Variants in NACC2 observed in about 807,000 individuals in gnomAD.
NACC2 encodes nucleus accumbens-associated protein 2.
NACC2 carries 8 observed loss-of-function variants against 25.1 expected under a neutral mutation model. The ratio of observed to expected loss-of-function variants is 0.32; its 90% CI spans 0.19 to 0.57. The LOEUF is 0.57. Among genes scored for constraint, NACC2 ranks in the 20% least tolerant of loss-of-function variants. The probability of loss-of-function intolerance (pLI) is 0.89; values close to 1 mark genes in which losing one functional copy is unlikely to be tolerated. For missense variants in NACC2, 644 were observed against 650.2 expected (o/e 0.99, Z 0.10); for synonymous variants, 435 against 294.7 (o/e 1.48, Z -4.88).
chr9:136,021,386 G>A (rs1052329159), intron 2 of NACC2, among the ~76,000 whole-genome samples: 1 of 152,178 alleles, frequency 6.6e-6, no homozygotes. Context: ...GCGAGGATGC[G>A]GGGCAGCTGG....
chr9:136,087,079 G>C (rs1830386947), intron 1 of NACC2, among the ~76,000 whole-genome samples: 3 of 152,372 alleles, frequency 2.0e-5, no homozygotes, highest in Admixed American at 6.5e-5. Flanking sequence ...TGCACAGAAG[G>C]AAGGTGGCCG....
intron 1 of NACC2, among the ~76,000 whole-genome samples, chr9:136,074,168 T>C (rs1343006918): frequency 3.3e-5 from 5 of 151,692 alleles, no homozygotes; most frequent in African/African-American, 7.2e-5. Context: ...TAGCCAGGCA[T>C]GGCCAGGCGC....
rs1830383804 is a variant in NACC2 at position 136,086,881 on chromosome 9, A to C, written c.-60+8308T>G. ...CAGAGCCAGCCCCCCAGTGCCCTCTACGCACTAAAGGCTTTCTGCCCCTCC... is the reference window on the plus strand; with the variant it reads ...CAGAGCCAGCCCCCCAGTGCCCTCTCCGCACTAAAGGCTTTCTGCCCCTCC... On this transcript the variant is annotated intron_variant, in intron 1 of 5. Coordinates refer to ENST00000277554, the MANE Select transcript of NACC2 (RefSeq NM_144653.5). This position sits in a 1 kb window ranked among gnomAD's most constrained non-coding sequence, Gnocchi z 5.6. Among the ~76,000 whole-genome samples the C allele has an allele frequency of 6.6e-6, 1 of 152,180 alleles. No individual in the cohort carries two copies. Among genetic ancestry groups the C allele is most frequent in the East Asian group, 1.9e-4 (1 of 5,198 alleles).
intron 3 of NACC2, among the ~76,000 whole-genome samples, chr9:136,015,410 A>G (rs1471751901): frequency 6.6e-6 from 1 of 152,208 alleles, no homozygotes; most frequent in Non-Finnish European, 1.5e-5. Flanking sequence ...AGGGCAGCCC[A>G]ACACTGCCAG....
At chr9:136,060,414 C>T (rs1840992155) in intron 1 of NACC2, among the ~76,000 whole-genome samples, 1 of 152,026 alleles carries the variant, frequency 6.6e-6, no homozygotes, top group Non-Finnish European at 1.5e-5. Context: ...TAAATACAAA[C>T]ACCCAACTTC....
intron 2 of NACC2, among the ~76,000 whole-genome samples, chr9:136,033,648 CAAAAAA>C (rs558163152): frequency 1.4e-5 from 1 of 71,202 alleles, no homozygotes; most frequent in Non-Finnish European, 2.6e-5. Flanking sequence ...GACTCTGTCT[CAAAAAA>C]AAAAAAAAAA....
chr9:136,029,715 T>A (rs1840445214), intron 2 of NACC2, among the ~76,000 whole-genome samples: 1 of 81,490 alleles, frequency 1.2e-5, no homozygotes, highest in South Asian at 3.3e-4. Flanking sequence ...GTATGCCTGG[T>A]ACAGCTGCAG....
intron 2 of NACC2, among the ~76,000 whole-genome samples, 153 bp downstream of exon 2, chr9:136,049,483 G>A (rs2131161722): frequency 6.6e-6 from 1 of 152,300 alleles, no homozygotes; most frequent in Non-Finnish European, 1.5e-5. Flanking sequence ...TGAACCCCAT[G>A]GTGAACAGAG....
Position 136,075,637 on chromosome 9 carries a change from G to C in NACC2, c.-60+19552C>G, listed in dbSNP as rs371007926. ...AGGTCCTGCGGGAGCAGAGCCTGCA[G>C]GGCCCCCTCAGGAAACCTGTGCTGA... On this transcript the variant is annotated intron_variant, in intron 1 of 5. Transcript: ENST00000277554. Among the ~76,000 whole-genome samples, 24 of 152,350 alleles carry C rather than the reference G, an allele frequency of 1.6e-4. No individual in the cohort carries two copies. The East Asian group carries it at 2.7e-3, about 17-fold the overall frequency.
chr9:136,051,876 A>AAGGAGGAGGAGG (rs1162435573), intron 1 of NACC2, among the ~76,000 whole-genome samples: 2,172 of 132,090 alleles, frequency 0.016, 84 homozygotes, highest in Admixed American at 0.05. Context: ...GGGAGCCGGC[A>AAGGAGGAGGAGG]AGGAGGAGGA....
chr9:136,084,748 G>A lies in NACC2; in HGVS notation c.-60+10441C>T, dbSNP rs914491587. Among the ~76,000 whole-genome samples, 14 of 152,188 alleles carry A rather than the reference G, an allele frequency of 9.2e-5. No homozygotes were observed. The highest frequency in any genetic ancestry group is 1.3e-4 in the Non-Finnish European group (9 of 68,028). On this transcript the variant is annotated intron_variant, in intron 1 of 5. Coordinates refer to ENST00000277554, the MANE Select transcript of NACC2 (RefSeq NM_144653.5). This position sits in a 1 kb window ranked among gnomAD's most constrained non-coding sequence, Gnocchi z 5.1. ...GGGCGCACACACACACATACATCAC[G>A]CAGCCTGGAGAAGGGACGGGCTCCG...
chr9:136,023,228 A>G (rs1840325376), intron 2 of NACC2, among the ~76,000 whole-genome samples: 1 of 150,910 alleles, frequency 6.6e-6, no homozygotes, highest in African/African-American at 2.4e-5. Context: ...GCCCACACTC[A>G]TGGGTGCAGC....
At chr9:136,012,091 A>G in intron 5 of NACC2, 67 bp from the exon 6 acceptor site, 1 of 1,454,500 alleles carries the variant, frequency 6.9e-7, no homozygotes, top group Non-Finnish European at 9.1e-7. Context: ...CCCCAAGGCC[A>G]CAGAACCATG....
chr9:136,032,672 G>A (rs1048224310), intron 2 of NACC2, among the ~76,000 whole-genome samples: 8 of 152,134 alleles, frequency 5.3e-5, no homozygotes, highest in Admixed American at 2.0e-4. Flanking sequence ...CAAGGCAGGC[G>A]GATCACTTGA....
intron 2 of NACC2, 138 bp downstream of exon 2, chr9:136,049,498 G>A (rs2131161736): frequency 1.2e-5 from 7 of 601,522 alleles, no homozygotes; most frequent in African/African-American, 5.6e-5. Context: ...ACAGAGCTCT[G>A]CCACCTCCTC....
rs765359680 is a variant in NACC2, at chr9:136,086,276, G to A, written c.-60+8913C>T. 1.2e-4 allele frequency among the ~76,000 whole-genome samples: 18 copies of A among 152,352 alleles called. No individual in the cohort carries two copies. The highest frequency in any genetic ancestry group is 5.2e-4 in the Admixed American group (8 of 15,310). ...CACACCGTGCAGCTGGGGACAGGAC[G>A]AAGGGCACATGCCCCCCGAGGCCTC... On this transcript the variant is annotated intron_variant, in intron 1 of 5. Transcript: ENST00000277554. This position sits in a 1 kb window ranked among gnomAD's most constrained non-coding sequence, Gnocchi z 5.6.
At chr9:136,056,052 A>G (rs558041873) in intron 1 of NACC2, among the ~76,000 whole-genome samples, 1 of 151,866 alleles carries the variant, frequency 6.6e-6, no homozygotes, top group African/African-American at 2.4e-5. Flanking sequence ...CTCCAGGAGG[A>G]TTTGCTTTGA....
At chr9:136,087,084 TG>T (rs1470039491) in intron 1 of NACC2, among the ~76,000 whole-genome samples, 2 of 152,128 alleles carry the variant, frequency 1.3e-5, no homozygotes, top group African/African-American at 2.4e-5. Context: ...AGAAGGAAGG[TG>T]GCCGTGTGAG....
intron 1 of NACC2, among the ~76,000 whole-genome samples, chr9:136,089,059 C>G (rs1338882936): frequency 6.6e-6 from 1 of 152,246 alleles, no homozygotes; most frequent in African/African-American, 2.4e-5. Context: ...CAAAAACACA[C>G]AGACACGAAA....
Sources: allele counts gnomAD v4.1 joint callset (sites outside exome capture counted in the v4.1 genomes callset), GRCh38; gene constraint gnomAD v4.1.1; non-coding constraint Gnocchi (gnomAD v3.1); transcripts MANE v1.5; gene names NCBI Gene and HGNC (gene_info 2026-07-23, HGNC 2026-07-21).